The following GALNT13 variants were observed in gnomAD, a reference collection of about 807,000 sequenced individuals.
GALNT13 encodes the protein polypeptide N-acetylgalactosaminyltransferase 13.
In GALNT13, 28 loss-of-function variants were observed where a neutral mutation model predicts 64.2. The ratio of observed to expected loss-of-function variants is 0.44; its 90% CI spans 0.32 to 0.60. The LOEUF is 0.60. GALNT13 is among the 20% of genes least tolerant of loss of function. The pLI is 0.05. For synonymous variants in GALNT13, 214 were observed against 224.6 expected (o/e 0.95, Z 0.42); for missense variants, 577 against 669.8 (o/e 0.86, Z 1.53).
At chr2:153,511,355 T>C in the GALNT13 span, among the ~76,000 whole-genome samples, 2 of 151,914 alleles carry the variant, frequency 1.3e-5, no homozygotes, top group African/African-American at 4.8e-5. Context: ...TAGGCGTGAT[T>C]CAAGCAGGTT....
the GALNT13 span, among the ~76,000 whole-genome samples, chr2:153,526,999 A>G: frequency 6.6e-6 from 1 of 152,170 alleles, no homozygotes; most frequent in Non-Finnish European, 1.5e-5. Flanking sequence ...GAGGAGACAA[A>G]AGCAAAGAAG....
intron 8 of GALNT13, among the ~76,000 whole-genome samples, chr2:154,274,188 T>C (rs1372269348): frequency 6.6e-6 from 1 of 152,136 alleles, no homozygotes; most frequent in African/African-American, 2.4e-5. Context: ...TGTGTGGGTA[T>C]GTAAGATAGC....
chr2:153,606,066 C>T, the GALNT13 span, among the ~76,000 whole-genome samples: 9 of 152,034 alleles, frequency 5.9e-5, no homozygotes, highest in East Asian at 1.7e-3. Flanking sequence ...CTACCTATAG[C>T]AGGCAATGAC....
chr2:153,379,305 A>T, the GALNT13 span, among the ~76,000 whole-genome samples: 1 of 152,148 alleles, frequency 6.6e-6, no homozygotes, highest in African/African-American at 2.4e-5. Context: ...TCTATGACAG[A>T]GGTTTTTTAA....
At chr2:153,636,893 T>A in the GALNT13 span, among the ~76,000 whole-genome samples, 1 of 152,130 alleles carries the variant, frequency 6.6e-6, no homozygotes, top group Admixed American at 6.6e-5. Context: ...GGTTAGAAGG[T>A]GACTTGATAC....
chr2:153,194,750 T>A, the GALNT13 span, among the ~76,000 whole-genome samples: 1 of 152,186 alleles, frequency 6.6e-6, no homozygotes, highest in Non-Finnish European at 1.5e-5. Flanking sequence ...TTTTTTCCTG[T>A]AGATGTATTT....
At chr2:154,214,400 T>C (rs1687935159) in intron 4 of GALNT13, among the ~76,000 whole-genome samples, 1 of 152,144 alleles carries the variant, frequency 6.6e-6, no homozygotes, top group African/African-American at 2.4e-5. Context: ...TTGCCTCTCA[T>C]TCTCATTCCC....
chr2:153,780,419 C>T, the GALNT13 span, among the ~76,000 whole-genome samples: 2 of 151,812 alleles, frequency 1.3e-5, no homozygotes, highest in Non-Finnish European at 1.5e-5. Context: ...TCAGGCAGTC[C>T]TTGCTTATGT....
intron 4 of GALNT13, among the ~76,000 whole-genome samples, chr2:154,194,739 T>C (rs532594153): frequency 5.9e-5 from 9 of 152,216 alleles, no homozygotes; most frequent in Admixed American, 3.9e-4. Flanking sequence ...AACTAGGAAC[T>C]AATTAATATC....
chr2:153,595,609 T>C, the GALNT13 span, among the ~76,000 whole-genome samples: 1 of 152,002 alleles, frequency 6.6e-6, no homozygotes, highest in Non-Finnish European at 1.5e-5. Context: ...AACCCAACTA[T>C]ACGATATAAA....
intron 4 of GALNT13, among the ~76,000 whole-genome samples, chr2:154,199,323 T>C (rs1271354761): frequency 6.6e-6 from 1 of 152,048 alleles, no homozygotes; most frequent in African/African-American, 2.4e-5. Flanking sequence ...ATTTTAAGTC[T>C]AGGAAGTAGA....
intron 1 of GALNT13, among the ~76,000 whole-genome samples, chr2:153,893,137 A>G (rs1687661498): frequency 6.6e-6 from 1 of 152,086 alleles, no homozygotes; most frequent in South Asian, 2.1e-4. Context: ...GGCGAAGGTC[A>G]AAGAGCATAA....
chr2:154,191,223 A>T (rs557510287), intron 4 of GALNT13, among the ~76,000 whole-genome samples: 17 of 152,340 alleles, frequency 1.1e-4, no homozygotes, highest in African/African-American at 4.1e-4. Context: ...CAATGGGAAA[A>T]GTCACAAATA....
intron 9 of GALNT13, among the ~76,000 whole-genome samples, chr2:154,357,450 C>A (rs1696815021): frequency 6.6e-6 from 1 of 151,978 alleles, no homozygotes; most frequent in South Asian, 2.1e-4. Flanking sequence ...CAACTACATG[C>A]ACAGTGTAAG....
At chr2:153,456,010 G>T in the GALNT13 span, among the ~76,000 whole-genome samples, 1 of 152,104 alleles carries the variant, frequency 6.6e-6, no homozygotes, top group African/African-American at 2.4e-5. Flanking sequence ...ATTCTTCTCC[G>T]GTTACATCAT....
intron 3 of GALNT13, among the ~76,000 whole-genome samples, chr2:154,014,433 T>C (rs1193475783): frequency 6.6e-6 from 1 of 151,844 alleles, no homozygotes; most frequent in African/African-American, 2.4e-5. Flanking sequence ...CCATGCAGGA[T>C]TTCCAGATTC....
intron 4 of GALNT13, among the ~76,000 whole-genome samples, chr2:154,144,121 T>C (rs538494036): frequency 9.9e-5 from 15 of 152,232 alleles, no homozygotes; most frequent in Admixed American, 9.2e-4. Context: ...CTTTTCATTT[T>C]ATTTTTATAT....
the GALNT13 span, among the ~76,000 whole-genome samples, chr2:153,641,678 T>C: frequency 3.3e-5 from 5 of 152,228 alleles, no homozygotes; most frequent in Admixed American, 1.3e-4. Context: ...ATTTCCCTTA[T>C]GATTATCAGC....
the GALNT13 span, among the ~76,000 whole-genome samples, chr2:153,528,094 G>A: frequency 6.6e-6 from 1 of 151,832 alleles, no homozygotes; most frequent in Non-Finnish European, 1.5e-5. Flanking sequence ...AATATTGAAT[G>A]TAAATGGACT....
Sources: allele counts gnomAD v4.1 joint callset (sites outside exome capture counted in the v4.1 genomes callset), GRCh38; gene constraint gnomAD v4.1.1; transcripts MANE v1.5; gene names NCBI Gene and HGNC (gene_info 2026-07-23, HGNC 2026-07-21).